CDH10: variants seen among roughly 807,000 people sequenced by gnomAD.
CDH10 encodes cadherin-10.
Under a neutral mutation model 73.1 loss-of-function variants are expected in CDH10, and 30 were observed. The observed-to-expected ratio is 0.41, with a 90% CI of 0.31 to 0.56. CDH10 has a LOEUF of 0.56. Ranked by LOEUF, CDH10 falls within the 20% of genes least tolerant of loss-of-function variation. CDH10 has a pLI of 0.27. For missense variants in CDH10, 815 were observed against 973.7 expected, an observed-to-expected ratio of 0.84 and a Z score of 2.17; for synonymous variants, 345 against 348.2, an observed-to-expected ratio of 0.99 and a Z score of 0.10.
Position 24,528,869 on chromosome 5 carries a change from C to G in CDH10, c.814+6243G>C, listed in dbSNP as rs951573050. On this transcript the variant is annotated intron_variant, in intron 5 of 11. Coordinates refer to ENST00000264463, the MANE Select transcript of CDH10 (RefSeq NM_006727.5). ...GCTTAAAAGCCGAATAACCTGGATC[C>G]GCAACCTGCTTCTTATTTATTTCAT... Among the ~76,000 whole-genome samples, 4 of 151,894 alleles carry G rather than the reference C, an allele frequency of 2.6e-5. No individual in the cohort carries two copies. In the South Asian group the frequency reaches 6.2e-4, roughly 24 times the overall value.
chr5:24,571,592 C>G (rs1172108789), intron 2 of CDH10, among the ~76,000 whole-genome samples: 1 of 152,034 alleles, frequency 6.6e-6, no homozygotes, highest in South Asian at 2.1e-4. Context: ...AATAGAGCAG[C>G]AGGAAGGCAA....
chr5:24,490,946 TA>T (rs1410007827), intron 11 of CDH10, among the ~76,000 whole-genome samples: 1 of 152,208 alleles, frequency 6.6e-6, no homozygotes, highest in Non-Finnish European at 1.5e-5. Flanking sequence ...TGAGATTGAT[TA>T]ATGTCCACCT....
intron 1 of CDH10, among the ~76,000 whole-genome samples, chr5:24,622,592 G>A (rs1747354329): frequency 2.0e-5 from 3 of 152,054 alleles, no homozygotes; most frequent in Admixed American, 1.3e-4. Context: ...ATAATCATGA[G>A]GCAGTTAAAA....
chr5:24,546,194 T>TGTGA (rs1216609181), intron 2 of CDH10, among the ~76,000 whole-genome samples: 1 of 152,158 alleles, frequency 6.6e-6, no homozygotes, highest in African/African-American at 2.4e-5. Context: ...TGTGTGTGTG[T>TGTGA]GTGTGTGTAC....
At chr5:24,591,072 T>C (rs1034385642) in intron 2 of CDH10, among the ~76,000 whole-genome samples, 1 of 152,100 alleles carries the variant, frequency 6.6e-6, no homozygotes, top group African/African-American at 2.4e-5. Context: ...TATTTTAGCC[T>C]CAAGTTATAT....
At chr5:24,511,620 A>G in intron 5 of CDH10, 106 bp from the exon 6 acceptor site, 2 of 623,428 alleles carry the variant, frequency 3.2e-6, no homozygotes, top group Non-Finnish European at 5.6e-6. Context: ...CAAAAGCAAA[A>G]CATGTAAGAC....
intron 2 of CDH10, among the ~76,000 whole-genome samples, chr5:24,566,642 G>T (rs1745175440): frequency 6.6e-6 from 1 of 151,840 alleles, no homozygotes; most frequent in Non-Finnish European, 1.5e-5. Context: ...TAGAACAACT[G>T]GTTCTCTATA....
intron 5 of CDH10, among the ~76,000 whole-genome samples, chr5:24,532,308 G>C (rs1743781983): frequency 6.6e-6 from 1 of 152,032 alleles, no homozygotes; most frequent in Non-Finnish European, 1.5e-5. Flanking sequence ...ATTATTGGAT[G>C]CATAAATACA....
intron 11 of CDH10, among the ~76,000 whole-genome samples, chr5:24,491,124 C>T (rs952491400): frequency 6.6e-6 from 1 of 152,146 alleles, no homozygotes; most frequent in African/African-American, 2.4e-5. Context: ...GTCCTGGCCA[C>T]TGATGCGTCT....
intron 2 of CDH10, among the ~76,000 whole-genome samples, chr5:24,559,613 A>G (rs1458211817): frequency 6.6e-6 from 1 of 152,012 alleles, no homozygotes; most frequent in African/African-American, 2.4e-5. Context: ...GTTTGTTCTG[A>G]TATTGTGAAA....
intron 1 of CDH10, among the ~76,000 whole-genome samples, chr5:24,636,718 G>A (rs563185770): frequency 6.6e-6 from 1 of 151,994 alleles, no homozygotes; most frequent in South Asian, 2.1e-4. Flanking sequence ...AGAAATTTGG[G>A]ATACATTTGG....
At chr5:24,601,376 C>T (rs914970698) in intron 1 of CDH10, among the ~76,000 whole-genome samples, 1 of 152,134 alleles carries the variant, frequency 6.6e-6, no homozygotes, top group Non-Finnish European at 1.5e-5. Flanking sequence ...ACCAGATTCC[C>T]TTTACACTGT....
At chr5:24,575,616 A>G (rs575141028) in intron 2 of CDH10, among the ~76,000 whole-genome samples, 11 of 152,218 alleles carry the variant, frequency 7.2e-5, no homozygotes, top group Admixed American at 5.9e-4. Flanking sequence ...AGGTTCTCAA[A>G]TAAACATTTT....
chr5:24,571,717 T>A (rs922890240), intron 2 of CDH10, among the ~76,000 whole-genome samples: 2 of 149,090 alleles, frequency 1.3e-5, no homozygotes, highest in Non-Finnish European at 3.0e-5. Context: ...TGAAAAAAAA[T>A]AATGCTATGT....
intron 1 of CDH10, among the ~76,000 whole-genome samples, chr5:24,609,538 A>T (rs559630081): frequency 9.2e-5 from 14 of 152,212 alleles, no homozygotes; most frequent in South Asian, 2.1e-4. Flanking sequence ...ATGACAGGAC[A>T]CTATGAGAAT....
intron 2 of CDH10, among the ~76,000 whole-genome samples, chr5:24,569,930 A>AT (rs1381305394): frequency 6.6e-6 from 1 of 151,896 alleles, no homozygotes; most frequent in Non-Finnish European, 1.5e-5. Context: ...CGCCCGGCTA[A>AT]TTTTTTTGTA....
chr5:24,545,905 A>G (rs1267467653), intron 2 of CDH10, among the ~76,000 whole-genome samples: 1 of 152,170 alleles, frequency 6.6e-6, no homozygotes, highest in African/African-American at 2.4e-5. Flanking sequence ...TTCGGACTTT[A>G]AAAGTTTGGA....
intron 2 of CDH10, among the ~76,000 whole-genome samples, chr5:24,584,475 T>TGAGAGAGA (rs1554023331): frequency 1.3e-5 from 1 of 79,744 alleles, no homozygotes; most frequent in Admixed American, 1.6e-4. Context: ...TGTGTGTGTG[T>TGAGAGAGA]GAGAGAGAGA....
At chr5:24,557,233 A>G (rs961135211) in intron 2 of CDH10, among the ~76,000 whole-genome samples, 3 of 151,730 alleles carry the variant, frequency 2.0e-5, no homozygotes, top group African/African-American at 7.2e-5. Flanking sequence ...GATTATTTCT[A>G]TCACTGATAC....
Sources: allele counts gnomAD v4.1 joint callset (sites outside exome capture counted in the v4.1 genomes callset), GRCh38; gene constraint gnomAD v4.1.1; transcripts MANE v1.5; gene names NCBI Gene and HGNC (gene_info 2026-07-23, HGNC 2026-07-21).